ARHGAP31: variants seen among roughly 807,000 people sequenced by gnomAD.
ARHGAP31 encodes rho GTPase-activating protein 31.
A neutral mutation model predicts 113.9 loss-of-function variants in ARHGAP31; 34 were observed. That is an observed-to-expected ratio of 0.30 (90% CI 0.23 to 0.40). The LOEUF (loss-of-function observed/expected upper bound fraction) is 0.40. Ranked by LOEUF, ARHGAP31 falls within the 10% of genes least tolerant of loss-of-function variation. The probability of loss-of-function intolerance (pLI) is 1.00; values close to 1 mark genes in which losing one functional copy is unlikely to be tolerated. For missense variants in ARHGAP31, 1,548 were observed against 1,767.1 expected (o/e 0.88, Z 2.22); for synonymous variants, 650 against 684.8 (o/e 0.95, Z 0.79).
chr3:119,371,973 T>A lies in ARHGAP31; in HGVS notation c.348+3457T>A, dbSNP rs546092117. 2.0e-5 allele frequency among the ~76,000 whole-genome samples: 3 copies of A among 152,358 alleles called. No homozygotes were observed. In the East Asian group the frequency reaches 5.8e-4, roughly 29 times the overall value. ...TTTAAGGCTGCATAGTATTCCGTGGTGTATATGTACCATATTTTCTTTATC... is the reference window on the plus strand; with the variant it reads ...TTTAAGGCTGCATAGTATTCCGTGGAGTATATGTACCATATTTTCTTTATC... On this transcript the variant is annotated intron_variant, in intron 3 of 11. Coordinates refer to ENST00000264245, the MANE Select transcript of ARHGAP31 (RefSeq NM_020754.4).
At chr3:119,357,206 A>G (rs2080165940) in intron 1 of ARHGAP31, among the ~76,000 whole-genome samples, 1 of 152,246 alleles carries the variant, frequency 6.6e-6, no homozygotes, top group South Asian at 2.1e-4. Context: ...CGGAGGAAGG[A>G]GAACCTAGTT....
chr3:119,312,456 C>T (rs2079690755), intron 1 of ARHGAP31, among the ~76,000 whole-genome samples: 1 of 152,186 alleles, frequency 6.6e-6, no homozygotes, highest in African/African-American at 2.4e-5. Flanking sequence ...TACTCCATCC[C>T]ATCTCTTTTT....
At chr3:119,400,635 A>G (rs2080594977) in intron 9 of ARHGAP31, among the ~76,000 whole-genome samples, 1 of 152,220 alleles carries the variant, frequency 6.6e-6, no homozygotes. Context: ...GTTTTTATAT[A>G]CATGGCATGT....
chr3:119,329,851 A>C, intron 1 of ARHGAP31: 1 of 985,462 alleles, frequency 1.0e-6, no homozygotes, highest in Non-Finnish European at 1.2e-6. Context: ...TCCCCACCAA[A>C]GTGTTATCCA....
chr3:119,381,081 C>G, intron 4 of ARHGAP31, 95 bp downstream of exon 4: 1 of 1,259,226 alleles, frequency 7.9e-7, no homozygotes, highest in Non-Finnish European at 1.2e-6. Flanking sequence ...AATGTGTGGA[C>G]AGTAGCAAGT....
At chr3:119,391,566 C>A (rs903636994) in intron 7 of ARHGAP31, among the ~76,000 whole-genome samples, 3 of 150,846 alleles carry the variant, frequency 2.0e-5, no homozygotes, top group Non-Finnish European at 4.4e-5. Context: ...CCTGTCACTT[C>A]TTCTGTTGCC....
rs535889137 is a variant in ARHGAP31, at chr3:119,359,120, C to T, written c.101-6196C>T. 8.6e-5 allele frequency among the ~76,000 whole-genome samples: 13 copies of T among 151,700 alleles called. No individual in the cohort carries two copies. The South Asian group carries it at 2.1e-3, about 24-fold the overall frequency. On this transcript the variant is annotated intron_variant, in intron 1 of 11. Coordinates refer to ENST00000264245, the MANE Select transcript of ARHGAP31 (RefSeq NM_020754.4). ...GCAACCTCTGATTCCCAGGTTCAAG[C>T]GATTCTCCTGCCTCAGCCTCCTGAG...
chr3:119,349,156 A>G (rs181015778), intron 1 of ARHGAP31, among the ~76,000 whole-genome samples: 1 of 152,138 alleles, frequency 6.6e-6, no homozygotes, highest in Admixed American at 6.5e-5. Context: ...TGCAGAAAGC[A>G]TATCTTTTTG....
Position 119,401,943 on chromosome 3 carries a change from A to G in ARHGAP31, c.1191A>G (p.Glu397=), listed in dbSNP as rs1258786249. ...GTGACCTCACCAAGCAGGAGGGCGA[A>G]TGGGGCCAGGAGGGGATGCCTCCCG... ...SSCDLTKQEG[E]WGQEGMPPGA... Residue 397 remains glutamate (E), a synonymous_variant, in exon 10 of 12, where the codon GAA becomes GAG. Coordinates refer to ENST00000264245, the MANE Select transcript of ARHGAP31 (RefSeq NM_020754.4). The G allele has an allele frequency of 6.2e-7, 1 of 1,613,954 alleles. No homozygotes were observed. Among genetic ancestry groups the G allele is most frequent in the East Asian group, 2.2e-5 (1 of 44,892 alleles).
intron 1 of ARHGAP31, among the ~76,000 whole-genome samples, chr3:119,362,531 G>A (rs1244483213): frequency 2.0e-5 from 3 of 152,206 alleles, no homozygotes; most frequent in Admixed American, 1.3e-4. Context: ...ACTTTGGGAG[G>A]CTGAGGCAGG....
At chr3:119,365,288 AAT>A (rs1369776054) in intron 1 of ARHGAP31, 26 bp from the exon 2 acceptor site, 1 of 1,578,724 alleles carries the variant, frequency 6.3e-7, no homozygotes, top group Non-Finnish European at 8.7e-7. Flanking sequence ...TCTAATACTT[AAT>A]TGTTTTTTTC....
chr3:119,349,850 A>G (rs1258350877), intron 1 of ARHGAP31, among the ~76,000 whole-genome samples: 1 of 151,886 alleles, frequency 6.6e-6, no homozygotes, highest in East Asian at 1.9e-4. Flanking sequence ...ATATATGAGA[A>G]CCTCCAGGAG....
chr3:119,416,147 G>C lies in ARHGAP31; in HGVS notation c.4218G>C (p.Arg1406Ser), dbSNP rs886043830. 9.9e-6 allele frequency: 16 copies of C among 1,614,184 alleles called. No homozygotes were observed. The highest frequency in any genetic ancestry group is 8.0e-5 in the African/African-American group (6 of 75,044). Residue 1406 changes from arginine (R) to serine (S), a missense_variant, in exon 12 of 12, where the codon AGG becomes AGC. Coordinates refer to ENST00000264245, the MANE Select transcript of ARHGAP31 (RefSeq NM_020754.4). ...TCACACCAGAAGGGGTTACACTTAGGAATAAAATGACCATCCCTAAGAATG... is the reference window on the plus strand; with the variant it reads ...TCACACCAGAAGGGGTTACACTTAGCAATAAAATGACCATCCCTAAGAATG... ...TWVTPEGVTL[R>S]NKMTIPKNGQ...
At chr3:119,358,543 C>G (rs576661730) in intron 1 of ARHGAP31, among the ~76,000 whole-genome samples, 1 of 152,038 alleles carries the variant, frequency 6.6e-6, no homozygotes, top group African/African-American at 2.4e-5. Context: ...AAAACTTGTA[C>G]GTAAAGGTTC....
chr3:119,382,540 T>A, intron 5 of ARHGAP31, 141 bp downstream of exon 5: 1 of 766,364 alleles, frequency 1.3e-6, no homozygotes, highest in Non-Finnish European at 2.1e-6. Flanking sequence ...ACATATGAAT[T>A]AAAGGTGATT....
At chr3:119,321,427 T>C (rs2079784713) in intron 1 of ARHGAP31, among the ~76,000 whole-genome samples, 1 of 149,366 alleles carries the variant, frequency 6.7e-6, no homozygotes, top group Non-Finnish European at 1.5e-5. Context: ...ATAAATGTTT[T>C]AGAAAGAAAA....
intron 1 of ARHGAP31, chr3:119,329,936 G>A (rs1028499524): frequency 8.3e-5 from 82 of 985,354 alleles, no homozygotes; most frequent in Non-Finnish European, 9.5e-5. Context: ...AACAAACAAA[G>A]ACGCTGAAGA....
At chr3:119,383,668 G>A (rs973548952) in intron 6 of ARHGAP31, among the ~76,000 whole-genome samples, 2 of 152,148 alleles carry the variant, frequency 1.3e-5, no homozygotes, top group Non-Finnish European at 2.9e-5. Context: ...AAGTTAAGAG[G>A]CAGCATGTTC....
chr3:119,303,700 C>G lies in ARHGAP31; in HGVS notation c.100+8696C>G, dbSNP rs142997015. ...CATATAAGCTAGGATTCCGGCAAAC[C>G]GTACATAAATCTATAGGCTATGTGA... On this transcript the variant is annotated intron_variant, in intron 1 of 11. Transcript: ENST00000264245. Among the ~76,000 whole-genome samples the G allele has an allele frequency of 1.6e-4, 24 of 152,270 alleles. No homozygotes were observed. The East Asian group carries it at 4.0e-3, about 26-fold the overall frequency.
Sources: gnomAD v4.1 joint callset for allele counts (sites outside exome capture counted in the v4.1 genomes callset) on GRCh38, gnomAD v4.1.1 for gene constraint, MANE v1.5 for transcripts, NCBI Gene and HGNC (gene_info 2026-07-23, HGNC 2026-07-21) for gene names.